RTL4: variants seen among roughly 807,000 people sequenced by gnomAD.
The protein encoded by RTL4 is retrotransposon Gag-like protein 4.
In RTL4, 4 loss-of-function variants were observed where a neutral mutation model predicts 5.3. The observed-to-expected ratio is 0.75, with a 90% CI of 0.37 to 1.72. The LOEUF (loss-of-function observed/expected upper bound fraction) is 1.72. Ranked by LOEUF, RTL4 falls within the 40% of genes most tolerant of loss-of-function variation. The pLI is 0.04. For missense variants in RTL4, 260 were observed against 227.1 expected, an observed-to-expected ratio of 1.14 and a Z score of -0.93; for synonymous variants, 98 against 87.3, an observed-to-expected ratio of 1.12 and a Z score of -0.68.
chrX:112,434,525 G>A, the RTL4 span, among the ~76,000 whole-genome samples: 1 of 111,885 alleles, frequency 8.9e-6, no homozygotes, highest in Non-Finnish European at 1.9e-5. Context: ...TTGCATAGAG[G>A]TGTTTGTAGT....
the RTL4 span, among the ~76,000 whole-genome samples, chrX:112,342,141 C>T: frequency 9.0e-6 from 1 of 111,421 alleles, no homozygotes. Flanking sequence ...CTCGTGTTGG[C>T]AGACACCTAC....
chrX:112,230,742 T>G, the RTL4 span, among the ~76,000 whole-genome samples: 4 of 111,722 alleles, frequency 3.6e-5, no homozygotes, highest in East Asian at 1.1e-3. Context: ...CTAATTAAAC[T>G]AAAGAGCTTC....
At chrX:112,152,885 GA>G in the RTL4 span, among the ~76,000 whole-genome samples, 8 of 111,224 alleles carry the variant, frequency 7.2e-5, no homozygotes, top group African/African-American at 2.0e-4. Flanking sequence ...GAAGTTACAT[GA>G]ACTTATTCAT....
chrX:112,220,789 G>T, the RTL4 span, among the ~76,000 whole-genome samples: 1 of 111,918 alleles, frequency 8.9e-6, no homozygotes, highest in Non-Finnish European at 1.9e-5. Flanking sequence ...TTCCCAACAA[G>T]TTCCTCATCT....
the RTL4 span, among the ~76,000 whole-genome samples, chrX:112,115,568 G>T: frequency 1.4e-4 from 16 of 111,431 alleles, no homozygotes; most frequent in Admixed American, 1.4e-3. Flanking sequence ...CCATATCCTA[G>T]CTTTGGGAAT....
the RTL4 span, among the ~76,000 whole-genome samples, chrX:112,187,391 C>T: frequency 7.2e-5 from 8 of 111,486 alleles, no homozygotes; most frequent in African/African-American, 2.0e-4. Flanking sequence ...ATTCAAAATT[C>T]GTTGTGTCTT....
chrX:112,310,327 G>T, the RTL4 span, among the ~76,000 whole-genome samples: 2 of 59,657 alleles, frequency 3.4e-5, no homozygotes, highest in Non-Finnish European at 6.0e-5. Context: ...AAGCTAAGAA[G>T]AGAGACCTTA....
At chrX:112,308,654 T>C in the RTL4 span, among the ~76,000 whole-genome samples, 1 of 111,735 alleles carries the variant, frequency 8.9e-6, no homozygotes, top group African/African-American at 3.3e-5. Context: ...TCTGTACTTT[T>C]GGTACATGGC....
chrX:112,232,874 G>T, the RTL4 span, among the ~76,000 whole-genome samples: 6 of 110,848 alleles, frequency 5.4e-5, no homozygotes, highest in Non-Finnish European at 1.1e-4. Context: ...CCCACTTCTT[G>T]AGGGGAGCTG....
At chrX:112,261,630 T>C in the RTL4 span, among the ~76,000 whole-genome samples, 1 of 111,641 alleles carries the variant, frequency 9.0e-6, no homozygotes, top group African/African-American at 3.3e-5. Flanking sequence ...AGGTAATTTA[T>C]AGATTCAGTG....
At chrX:112,414,605 A>G in the RTL4 span, among the ~76,000 whole-genome samples, 1 of 112,031 alleles carries the variant, frequency 8.9e-6, no homozygotes, top group Admixed American at 9.5e-5. Flanking sequence ...GCCATCTAAC[A>G]GATGACTGAT....
the RTL4 span, among the ~76,000 whole-genome samples, chrX:112,140,950 C>T: frequency 8.9e-6 from 1 of 111,994 alleles, no homozygotes; most frequent in Admixed American, 9.5e-5. Context: ...TCCTTCTCTA[C>T]AACTACAGTC....
At chrX:112,157,493 T>C in the RTL4 span, among the ~76,000 whole-genome samples, 43 of 111,334 alleles carry the variant, frequency 3.9e-4, no homozygotes, top group Non-Finnish European at 7.5e-4. Flanking sequence ...CCCTAAACTC[T>C]CAGCTCGTCT....
chrX:112,236,361 A>G, the RTL4 span, among the ~76,000 whole-genome samples: 1 of 98,628 alleles, frequency 1.0e-5, no homozygotes, highest in Non-Finnish European at 2.0e-5. Flanking sequence ...TCTTTTCTCC[A>G]TTGTACAGTG....
chrX:112,180,910 C>A, the RTL4 span, among the ~76,000 whole-genome samples: 1 of 112,182 alleles, frequency 8.9e-6, no homozygotes, highest in African/African-American at 3.2e-5. Flanking sequence ...ATCGGGACAG[C>A]TCCAGTCTGC....
chrX:112,403,228 C>A, the RTL4 span, among the ~76,000 whole-genome samples: 1 of 111,623 alleles, frequency 9.0e-6, no homozygotes, highest in Non-Finnish European at 1.9e-5. Context: ...CTTGCCCCAC[C>A]AAATTGGCTT....
chrX:112,315,798 C>T, the RTL4 span, among the ~76,000 whole-genome samples: 1 of 111,837 alleles, frequency 8.9e-6, no homozygotes, highest in South Asian at 3.7e-4. Flanking sequence ...GCATTACACT[C>T]CAGCATGTAC....
chrX:112,189,100 T>C, the RTL4 span, among the ~76,000 whole-genome samples: 1 of 111,222 alleles, frequency 9.0e-6, no homozygotes, highest in African/African-American at 3.3e-5. Flanking sequence ...ATCCTGAATG[T>C]TGAAATCCTG....
the RTL4 span, among the ~76,000 whole-genome samples, chrX:112,371,997 A>T: frequency 7.1e-5 from 8 of 112,147 alleles, no homozygotes; most frequent in African/African-American, 2.6e-4. Context: ...TATAATATGC[A>T]TACATAAAAG....
Sources: allele counts gnomAD v4.1 joint callset (sites outside exome capture counted in the v4.1 genomes callset), GRCh38; gene constraint gnomAD v4.1.1; transcripts MANE v1.5; gene names NCBI Gene and HGNC (gene_info 2026-07-23, HGNC 2026-07-21).